GGH: variants seen among roughly 807,000 people sequenced by gnomAD.
GGH encodes gamma-glutamyl hydrolase, also known as gamma-Glu-X carboxypeptidase.
Under a neutral mutation model 39.2 loss-of-function variants are expected in GGH, and 18 were observed. The ratio of observed to expected loss-of-function variants is 0.46; its 90% confidence interval spans 0.32 to 0.68. The LOEUF is 0.68. Ranked by LOEUF, GGH falls within the 30% of genes least tolerant of loss-of-function variation. The probability of loss-of-function intolerance (pLI) is 0.04; values close to 1 mark genes in which losing one functional copy is unlikely to be tolerated. For synonymous variants in GGH, 147 were observed against 138.8 expected (o/e 1.06, Z -0.42); for missense variants, 367 against 384.1 (o/e 0.96, Z 0.37).
Position 63,026,152 on chromosome 8 carries a change from T to C in GGH, c.499+6A>G, listed in dbSNP as rs753672602. Reference sequence around the variant, plus strand: ...TTTTTCAAAGGGTTGAAAAGAGTACTCTTACCTCCAGTGAAGTTCAGCGGC... The same window carrying C: ...TTTTTCAAAGGGTTGAAAAGAGTACCCTTACCTCCAGTGAAGTTCAGCGGC... On this transcript the variant is annotated splice_donor_region_variant and intron_variant, in intron 5 of 8. Coordinates refer to ENST00000260118, the MANE Select transcript of GGH (RefSeq NM_003878.3). The C allele has an allele frequency of 1.3e-6, 2 of 1,588,066 alleles. No homozygotes were observed. Among genetic ancestry groups the C allele is most frequent in the Non-Finnish European group, 1.7e-6 (2 of 1,171,230 alleles).
chr8:63,026,330 T>C (rs201603666), intron 4 of GGH, 34 bp from the exon 5 acceptor site: 907 of 1,531,896 alleles, frequency 5.9e-4, no homozygotes, highest in Non-Finnish European at 7.4e-4. Context: ...ACTAAGTTTA[T>C]TCAAACTTTT....
chr8:63,032,197 C>CT (rs1554603316), intron 2 of GGH, among the ~76,000 whole-genome samples: 1 of 151,996 alleles, frequency 6.6e-6, no homozygotes, highest in Non-Finnish European at 1.5e-5. Flanking sequence ...CCACTCCCAG[C>CT]TCATTTTTTA....
Position 63,035,689 on chromosome 8 carries a change from A to C in GGH, c.191T>G (p.Leu64Trp). Residue 64 changes from leucine (L) to tryptophan (W), a missense_variant, in exon 2 of 9, where the codon TTG becomes TGG. By Grantham distance (61) the Leu-to-Trp change is moderately conservative (BLOSUM62 -2). Coordinates refer to ENST00000260118, the MANE Select transcript of GGH (RefSeq NM_003878.3). ...YYIAASYVKY[L>W]ESAGARVVPV... ...TACAACTCTCGCACCTGCAGACTCC[A>C]AGTACTTTACATAGGACGCAGCAAT... 1 of 1,613,162 alleles carries C rather than the reference A, an allele frequency of 6.2e-7. No individual in the cohort carries two copies. Among genetic ancestry groups the C allele is most frequent in the Non-Finnish European group, 8.5e-7 (1 of 1,179,802 alleles).
intron 8 of GGH, among the ~76,000 whole-genome samples, chr8:63,015,970 T>C (rs1403552677): frequency 6.6e-6 from 1 of 152,198 alleles, no homozygotes; most frequent in Non-Finnish European, 1.5e-5. Context: ...GTATCATCAC[T>C]GGATGCTACA....
chr8:63,038,597 G>A lies in GGH; in HGVS notation c.109+63C>T, dbSNP rs147536505. 9.5e-3 allele frequency: 8,065 copies of A among 849,196 alleles called. 71 individuals carry two copies. The highest frequency in any genetic ancestry group is 0.011 in the Non-Finnish European group (6,524 of 597,648). The allele number at this position is 849,196 out of a possible 1,614,324, so 52.6% of individuals were successfully genotyped here. ...CGCGCCAGCTGGAGCGCGGCGGCGG[G>A]AGGCGCCCAGCGCCAACACCCAGCT... On this transcript the variant is annotated intron_variant, in intron 1 of 8. Transcript: ENST00000260118.
chr8:63,029,972 C>A (rs550974174), intron 3 of GGH, 195 bp downstream of exon 3: 127 of 403,730 alleles, frequency 3.1e-4, no homozygotes, highest in Non-Finnish European at 4.9e-4. Flanking sequence ...CATTTCCTAA[C>A]CTGCCTCTTC....
chr8:63,017,924 A>G (rs1443496435), intron 7 of GGH: 1 of 252,476 alleles, frequency 4.0e-6, no homozygotes, highest in African/African-American at 2.2e-5. Context: ...CAAAAGTCAG[A>G]TGCACATTTT....
chr8:63,017,526 C>T lies in GGH; in HGVS notation c.802G>A (p.Ala268Thr), dbSNP rs554949020. 12 of 1,610,102 alleles carry T rather than the reference C, an allele frequency of 7.5e-6. No individual in the cohort carries two copies. The East Asian group carries it at 1.6e-4, about 21-fold the overall frequency. ...ISHAPNAVKT[A>T]FYLAEFFVNE... Reference sequence around the variant, plus strand: ...ACAAAAAACTCTGCTAAATAAAATGCGGTTTTCACAGCATTAGGTGCATGG... The same window carrying T: ...ACAAAAAACTCTGCTAAATAAAATGTGGTTTTCACAGCATTAGGTGCATGG... The change falls in exon 8 of 9, where the codon GCA becomes ACA. Residue 268 changes from alanine to threonine, a missense_variant. Physicochemically the swap from Ala to Thr is moderately conservative, Grantham distance 58. Transcript: ENST00000260118.
intron 7 of GGH, chr8:63,023,424 T>C: frequency 6.6e-6 from 1 of 152,504 alleles, no homozygotes. Context: ...TGAGATACTA[T>C]TCGTATAGAG....
intron 5 of GGH, chr8:63,024,819 A>G (rs1452015821): frequency 3.3e-5 from 5 of 152,256 alleles, no homozygotes; most frequent in Non-Finnish European, 7.3e-5. Flanking sequence ...AGAGACTTCC[A>G]TGAAAACCAC....
intron 7 of GGH, among the ~76,000 whole-genome samples, chr8:63,019,089 C>A (rs1194993463): frequency 6.6e-6 from 1 of 152,142 alleles, no homozygotes; most frequent in Non-Finnish European, 1.5e-5. Context: ...AATGGTAAAA[C>A]CGCTGATGCT....
intron 1 of GGH, among the ~76,000 whole-genome samples, 167 bp from the exon 2 acceptor site, chr8:63,035,937 G>C (rs902480234): frequency 2.0e-5 from 3 of 152,152 alleles, no homozygotes; most frequent in African/African-American, 7.2e-5. Context: ...CAGCAGGGGA[G>C]GCTGATCTTA....
chr8:63,020,155 AC>A (rs1285042381), intron 7 of GGH, among the ~76,000 whole-genome samples: 1 of 152,246 alleles, frequency 6.6e-6, no homozygotes, highest in Non-Finnish European at 1.5e-5. Context: ...TTACTAAAAG[AC>A]CAGTGCAGTT....
chr8:63,030,175 A>T lies in GGH; in HGVS notation c.267T>A (p.Ser89=). 1 of 1,404,386 alleles carries T rather than the reference A, an allele frequency of 7.1e-7. No homozygotes were observed. The highest frequency in any genetic ancestry group is 1.0e-6 in the Non-Finnish European group (1 of 989,622). 87.0% of individuals were successfully genotyped at this position (1,404,386 alleles called of 1,614,324 possible). Reference sequence around the variant, plus strand: ...CAATGCTGCCAACTTACCCATTAATAGATTTGAAAAGTATTTCATAGTCTT... The same window carrying T: ...CAATGCTGCCAACTTACCCATTAATTGATTTGAAAAGTATTTCATAGTCTT... ...TEKDYEILFK[S]INGILFPGGS... Residue 89 remains serine (S), a synonymous_variant, in exon 3 of 9, where the codon TCT becomes TCA. Transcript: ENST00000260118.
intron 7 of GGH, among the ~76,000 whole-genome samples, chr8:63,021,331 C>G (rs1804581011): frequency 6.6e-6 from 1 of 152,120 alleles, no homozygotes; most frequent in South Asian, 2.1e-4. Context: ...ATGTCACGTA[C>G]ATTTCTATCT....
intron 2 of GGH, among the ~76,000 whole-genome samples, chr8:63,031,158 G>C (rs948145682): frequency 3.3e-5 from 5 of 152,118 alleles, no homozygotes. Flanking sequence ...TTTAGGGGGA[G>C]GTAAAGTCCC....
intron 2 of GGH, among the ~76,000 whole-genome samples, chr8:63,034,992 C>T (rs1247836582): frequency 6.6e-6 from 1 of 152,136 alleles, no homozygotes; most frequent in Non-Finnish European, 1.5e-5. Context: ...GAGCAATGTA[C>T]ACTGTACCCA....
At chr8:63,016,230 T>C (rs1173540384) in intron 8 of GGH, among the ~76,000 whole-genome samples, 1 of 152,190 alleles carries the variant, frequency 6.6e-6, no homozygotes, top group Non-Finnish European at 1.5e-5. Context: ...TGACTACTAC[T>C]GCAGCAAATG....
At chr8:63,026,358 A>G in intron 4 of GGH, 62 bp from the exon 5 acceptor site, 2 of 1,374,856 alleles carry the variant, frequency 1.5e-6, no homozygotes, top group East Asian at 2.4e-5. Context: ...AAAATTAGCC[A>G]TATCTTTTGT....
Sources: gnomAD v4.1 joint callset for allele counts (sites outside exome capture counted in the v4.1 genomes callset) on GRCh38, gnomAD v4.1.1 for gene constraint, MANE v1.5 for transcripts, NCBI Gene and HGNC (gene_info 2026-07-23, HGNC 2026-07-21) for gene names.